The following KDM2B variants were observed in gnomAD, a reference collection of about 807,000 sequenced individuals.
KDM2B encodes the protein lysine-specific demethylase 2B.
Under a neutral mutation model 150.0 loss-of-function variants are expected in KDM2B, and 26 were observed. The observed-to-expected ratio is 0.17, with a 90% CI of 0.13 to 0.24. KDM2B has a LOEUF of 0.24. KDM2B is among the 10% of genes least tolerant of loss of function. The pLI, the probability that KDM2B is intolerant of heterozygous loss-of-function variation, is 1.00. For missense variants in KDM2B, 1,265 were observed against 1,816.9 expected (o/e 0.70, Z 5.52); for synonymous variants, 734 against 729.5 (o/e 1.01, Z -0.10).
the KDM2B span, among the ~76,000 whole-genome samples, chr12:121,422,891 G>A: frequency 6.6e-6 from 1 of 150,570 alleles, no homozygotes; most frequent in African/African-American, 2.5e-5. Flanking sequence ...AGGGAAGGAT[G>A]CACAATTATT....
intron 9 of KDM2B, chr12:121,516,433 C>T: frequency 8.1e-7 from 1 of 1,242,016 alleles, no homozygotes. Context: ...CAAGAGAGGA[C>T]TGCGGGAAAC....
intron 19 of KDM2B, 78 bp from the exon 20 acceptor site, chr12:121,441,311 C>G (rs1874991542): frequency 7.2e-7 from 1 of 1,380,120 alleles, no homozygotes; most frequent in Admixed American, 2.0e-5. Context: ...CTTAACTGTC[C>G]CCACCTAACA....
At chr12:121,439,125 T>C (rs967027031) in intron 22 of KDM2B, among the ~76,000 whole-genome samples, 6 of 152,078 alleles carry the variant, frequency 3.9e-5, no homozygotes, top group African/African-American at 1.2e-4. Context: ...ACAGGCCCCT[T>C]GATAGCAGGG....
the KDM2B span, chr12:121,409,555 A>C: frequency 6.6e-6 from 1 of 152,218 alleles, no homozygotes; most frequent in Non-Finnish European, 1.5e-5. Flanking sequence ...CCTGGCCTGT[A>C]TATCAGAATT....
In KDM2B at chr12:121,440,030, C is replaced by T. The variant is rs782691555; in HGVS notation, c.3656G>A (p.Arg1219His). The T allele has an allele frequency of 8.1e-6, 13 of 1,613,108 alleles. No homozygotes were observed. In the East Asian group the frequency reaches 1.3e-4, roughly 17 times the overall value. The change falls in exon 22 of 23, where the codon CGC (arginine) becomes CAC (histidine). Residue 1219 changes from arginine (R) to histidine (H), a missense_variant. By Grantham distance (29) the Arg-to-His change is conservative. This residue lies in a region of KDM2B where 251 missense variants were observed against 397.8 expected (regional missense o/e 0.63). Coordinates refer to ENST00000377071, the MANE Select transcript of KDM2B (RefSeq NM_032590.5). ...RSKLRNIVEL[R>H]LAGLDITDAS... ...ATCTGTGATGTCCAGGCCTGCCAGG[C>T]GCAGCTCCACGATGTTCCGGAGCTT...
At chr12:121,416,243 G>A in the KDM2B span, 1 of 1,614,116 alleles carries the variant, frequency 6.2e-7, no homozygotes, top group South Asian at 1.1e-5. Flanking sequence ...CCAGCAGTCA[G>A]CATTTGCAGG....
At chr12:121,499,900 G>A (rs1340623721) in intron 11 of KDM2B, among the ~76,000 whole-genome samples, 1 of 151,918 alleles carries the variant, frequency 6.6e-6, no homozygotes, top group East Asian at 1.9e-4. Context: ...AGTGAGCCAA[G>A]ATCGCACCAC....
At position 121,549,283 on chromosome 12, in the gene KDM2B, A is replaced by T. The variant is rs1422738921; in HGVS notation, c.576+177T>A. Among the ~76,000 whole-genome samples, 2 of 152,066 alleles carry T rather than the reference A, an allele frequency of 1.3e-5. No individual in the cohort carries two copies. Among genetic ancestry groups the T allele is most frequent in the East Asian group, 3.9e-4 (2 of 5,180 alleles). ...AGTTCAAGGCCAGCCTGGGCAACAT[A>T]GCAAGATCCCTGTCTCTACAAACCA... On this transcript the variant is annotated intron_variant, in intron 5 of 22. Transcript: ENST00000377071. This position sits in a 1 kb window ranked among gnomAD's most constrained non-coding sequence, Gnocchi z 4.4.
At chr12:121,557,586 C>T (rs141462778) in intron 4 of KDM2B, among the ~76,000 whole-genome samples, 146 of 152,132 alleles carry the variant, frequency 9.6e-4, no homozygotes, top group South Asian at 6.2e-3. Context: ...AAGACAGCCA[C>T]GTGAAGACGG....
intron 12 of KDM2B, among the ~76,000 whole-genome samples, chr12:121,455,272 C>A (rs1334361909): frequency 1.3e-5 from 2 of 152,218 alleles, no homozygotes; most frequent in Non-Finnish European, 2.9e-5. Flanking sequence ...TCTTCCCCAG[C>A]TGCTCAGGAC....
intron 4 of KDM2B, among the ~76,000 whole-genome samples, chr12:121,555,725 T>C (rs1376913487): frequency 6.6e-5 from 10 of 151,844 alleles, no homozygotes; most frequent in Middle Eastern, 3.2e-3. Context: ...TGGATATTTT[T>C]CCCCCCCAAA....
At chr12:121,474,482 C>T (rs1881129872) in intron 12 of KDM2B, among the ~76,000 whole-genome samples, 2 of 152,156 alleles carry the variant, frequency 1.3e-5, no homozygotes, top group South Asian at 4.1e-4. Context: ...CGCCACTGCA[C>T]TACAGCCTGG....
chr12:121,435,316 C>T (rs1873808194), intron 22 of KDM2B, among the ~76,000 whole-genome samples: 1 of 152,062 alleles, frequency 6.6e-6, no homozygotes, highest in African/African-American at 2.4e-5. Flanking sequence ...AATTATTTTT[C>T]TAATTTTGGA....
chr12:121,411,399 A>G, the KDM2B span, among the ~76,000 whole-genome samples: 7 of 152,180 alleles, frequency 4.6e-5, no homozygotes, highest in African/African-American at 1.7e-4. Context: ...TTTTCCCAAA[A>G]TAAGTCCTTC....
chr12:121,487,850 C>A (rs1206961796), intron 12 of KDM2B, among the ~76,000 whole-genome samples: 9 of 149,718 alleles, frequency 6.0e-5, no homozygotes, highest in Admixed American at 4.0e-4. Flanking sequence ...GTCGCGATCT[C>A]GGCTCACTGC....
Position 121,552,025 on chromosome 12 carries a change from T to A in KDM2B, c.398-2387A>T, listed in dbSNP as rs553406097. 2.8e-4 allele frequency among the ~76,000 whole-genome samples: 43 copies of A among 152,336 alleles called. 1 individual carries two copies. Among genetic ancestry groups the A allele is most frequent in the Non-Finnish European group, 5.3e-4 (36 of 68,032 alleles). On this transcript the variant is annotated intron_variant, in intron 4 of 22. Coordinates refer to ENST00000377071, the MANE Select transcript of KDM2B (RefSeq NM_032590.5). ...AAAAGCAAGGTGAGACAGTCTGTTTTACAAATGGGGAGACCAAGGCCCAGA... is the reference window on the plus strand; with the variant it reads ...AAAAGCAAGGTGAGACAGTCTGTTTAACAAATGGGGAGACCAAGGCCCAGA...
Position 121,443,995 on chromosome 12 carries a change from C to T in KDM2B, c.2451+17G>A, listed in dbSNP as rs781832133. 1.9e-6 allele frequency: 3 copies of T among 1,589,734 alleles called. No homozygotes were observed. Among genetic ancestry groups the T allele is most frequent in the African/African-American group, 2.7e-5 (2 of 74,576 alleles). ...CCAGACCAACCCCTTTGCCTCCCAG[C>T]CCCTCCTGGTCCGTACCCGCTTGCG... On this transcript the variant is annotated intron_variant, in intron 16 of 22. Coordinates refer to ENST00000377071, the MANE Select transcript of KDM2B (RefSeq NM_032590.5).
In KDM2B at chr12:121,468,877, C is replaced by T. The variant is rs781829690; in HGVS notation, c.1735-15533G>A. Reference sequence around the variant, plus strand: ...CCAGTCGACTTGCTCTTTGCCGAAACGTATCTGTTCTGAGTTTCCTTCCTT... The same window carrying T: ...CCAGTCGACTTGCTCTTTGCCGAAATGTATCTGTTCTGAGTTTCCTTCCTT... On this transcript the variant is annotated intron_variant, in intron 12 of 22. Coordinates refer to ENST00000377071, the MANE Select transcript of KDM2B (RefSeq NM_032590.5). The surrounding 1 kb of genome is among the most constrained non-coding windows in gnomAD (Gnocchi z 4.0). 4.0e-5 allele frequency: 6 copies of T among 151,286 alleles called. No individual in the cohort carries two copies. Among genetic ancestry groups the T allele is most frequent in the Non-Finnish European group, 2.9e-5 (2 of 67,942 alleles). The allele number at this position is 151,286 out of a possible 1,614,324, so 9.4% of individuals were successfully genotyped here. A position where few individuals can be genotyped will look rare whatever the true frequency, so the allele number is the denominator to read the frequency against.
At chr12:121,451,295 CTTATT>C (rs1283880032) in intron 13 of KDM2B, among the ~76,000 whole-genome samples, 1 of 152,054 alleles carries the variant, frequency 6.6e-6, no homozygotes, top group Non-Finnish European at 1.5e-5. Context: ...TTTTCTCTAG[CTTATT>C]TTATTGTGAG....
Sources: allele counts gnomAD v4.1 joint callset (sites outside exome capture counted in the v4.1 genomes callset), GRCh38; gene constraint gnomAD v4.1.1; regional missense constraint gnomAD v4.1.1; non-coding constraint Gnocchi (gnomAD v3.1); transcripts MANE v1.5; gene names NCBI Gene and HGNC (gene_info 2026-07-23, HGNC 2026-07-21).